The following VTI1B variants were observed in gnomAD, a reference collection of about 807,000 sequenced individuals.
VTI1B encodes vesicle transport through interaction with t-SNAREs 1B, also known as vesicle transport through interaction with t-SNAREs homolog 1B.
VTI1B carries 18 observed loss-of-function variants against 28.6 expected under a neutral mutation model. The observed-to-expected ratio is 0.63, with a 90% CI of 0.43 to 0.93. VTI1B has a LOEUF of 0.93. VTI1B is among the 40% of genes least tolerant of loss of function. The pLI is 0.00. For synonymous variants in VTI1B, 100 were observed against 107.9 expected, an observed-to-expected ratio of 0.93 and a Z score of 0.46; for missense variants, 283 against 297.0, an observed-to-expected ratio of 0.95 and a Z score of 0.35.
chr14:67,649,030 G>C lies in VTI1B; in HGVS notation c.*2355C>G, dbSNP rs140464466. 6.6e-6 allele frequency: 1 copy of C among 152,180 alleles called. No individual in the cohort carries two copies. The highest frequency in any genetic ancestry group is 2.1e-4 in the South Asian group (1 of 4,832). The allele number at this position is 152,180 out of a possible 1,614,324, so 9.4% of individuals were successfully genotyped here. ...AACCTTAGGCAGTACAAAAAGGCAGGCAGTACTGGTCTAATTCTCAGATCT... is the reference window on the plus strand; with the variant it reads ...AACCTTAGGCAGTACAAAAAGGCAGCCAGTACTGGTCTAATTCTCAGATCT... On this transcript the variant is annotated 3_prime_UTR_variant, in exon 6 of 6. Coordinates refer to ENST00000554659, the MANE Select transcript of VTI1B (RefSeq NM_006370.3).
At chr14:67,674,255 G>A in intron 1 of VTI1B, 120 bp downstream of exon 1, 1 of 897,654 alleles carries the variant, frequency 1.1e-6, no homozygotes, top group Admixed American at 3.1e-5. Context: ...GCCCTAGGGG[G>A]CGTGTCTGAG....
intron 3 of VTI1B, among the ~76,000 whole-genome samples, 168 bp from the exon 4 acceptor site, chr14:67,656,757 A>G (rs2037263557): frequency 6.6e-6 from 1 of 152,214 alleles, no homozygotes; most frequent in Non-Finnish European, 1.5e-5. Flanking sequence ...GTCACAGACT[A>G]AAGCAGGACC....
At chr14:67,662,256 A>G (rs1470519449) in intron 2 of VTI1B, among the ~76,000 whole-genome samples, 2 of 152,124 alleles carry the variant, frequency 1.3e-5, no homozygotes, top group African/African-American at 4.8e-5. Context: ...CATCAGCAAT[A>G]TATTACCAAA....
chr14:67,673,113 A>C (rs146928927), intron 1 of VTI1B, among the ~76,000 whole-genome samples: 19 of 152,278 alleles, frequency 1.2e-4, no homozygotes, highest in Non-Finnish European at 2.5e-4. Context: ...AGTCCCAAAG[A>C]AGGCGGATCA....
chr14:67,650,408 C>G lies in VTI1B; in HGVS notation c.*977G>C, dbSNP rs1233812906. The G allele has an allele frequency of 5.8e-6, 2 of 343,472 alleles. No individual in the cohort carries two copies. Among genetic ancestry groups the G allele is most frequent in the African/African-American group, 2.1e-5 (1 of 47,698 alleles). 21.3% of individuals were successfully genotyped at this position (343,472 alleles called of 1,614,324 possible). ...CAACAAGCAGGATGAAAACCTCCCCCACCCAACACCAAGCCTTTTCCTTTT... is the reference window on the plus strand; with the variant it reads ...CAACAAGCAGGATGAAAACCTCCCCGACCCAACACCAAGCCTTTTCCTTTT... On this transcript the variant is annotated 3_prime_UTR_variant, in exon 6 of 6. Transcript: ENST00000554659.
At chr14:67,667,011 T>C (rs1462704377) in intron 1 of VTI1B, among the ~76,000 whole-genome samples, 2 of 152,080 alleles carry the variant, frequency 1.3e-5, no homozygotes, top group Admixed American at 6.6e-5. Context: ...ATGGGCACCA[T>C]GAACAAGAAT....
chr14:67,663,143 T>TCC, intron 1 of VTI1B: 1 of 1,531,294 alleles, frequency 6.5e-7, no homozygotes, highest in South Asian at 1.2e-5. Flanking sequence ...TCCCATTCTG[T>TCC]CCCTTTGGTT....
intron 1 of VTI1B, among the ~76,000 whole-genome samples, chr14:67,672,722 T>C (rs1243522578): frequency 6.6e-6 from 1 of 152,144 alleles, no homozygotes; most frequent in Non-Finnish European, 1.5e-5. Context: ...GAATTACAGG[T>C]GTGAGCCACC....
intron 5 of VTI1B, 78 bp from the exon 6 acceptor site, chr14:67,651,559 G>A: frequency 6.7e-7 from 1 of 1,502,716 alleles, no homozygotes; most frequent in Non-Finnish European, 9.0e-7. Flanking sequence ...TTAGACCTGG[G>A]ACCACGGCTG....
chr14:67,673,230 A>G (rs1341906158), intron 1 of VTI1B, among the ~76,000 whole-genome samples: 2 of 152,122 alleles, frequency 1.3e-5, no homozygotes, highest in Non-Finnish European at 2.9e-5. Context: ...TGTAATCCCT[A>G]TTACTCCAGA....
intron 3 of VTI1B, among the ~76,000 whole-genome samples, chr14:67,657,560 G>C (rs891186354): frequency 2.0e-5 from 3 of 151,834 alleles, no homozygotes; most frequent in African/African-American, 7.3e-5. Flanking sequence ...AACGGAGGCA[G>C]CTCCAAGTTC....
Position 67,659,787 on chromosome 14 carries a change from G to C in VTI1B, c.310C>G (p.Pro104Ala), listed in dbSNP as rs754978321. Residue 104 changes from proline (P) to alanine (A), a missense_variant, in exon 3 of 6, where the codon CCT becomes GCT. Coordinates refer to ENST00000554659, the MANE Select transcript of VTI1B (RefSeq NM_006370.3). ...EVRSTPLTAT[P>A]GGRGDMKYGI... ...TATTTCATGTCTCCTCGGCCTCCAGGTGTGGCTGTCAAAGGTGTGCTTCTC... is the reference window on the plus strand; with the variant it reads ...TATTTCATGTCTCCTCGGCCTCCAGCTGTGGCTGTCAAAGGTGTGCTTCTC... The C allele has an allele frequency of 1.2e-5, 20 of 1,613,876 alleles. No homozygotes were observed. Among genetic ancestry groups the C allele is most frequent in the Admixed American group, 3.3e-5 (2 of 59,988 alleles).
At chr14:67,664,181 T>C (rs1340594175) in intron 1 of VTI1B, among the ~76,000 whole-genome samples, 1 of 152,184 alleles carries the variant, frequency 6.6e-6, no homozygotes, top group East Asian at 1.9e-4. Flanking sequence ...TTTGTGAGGG[T>C]ATAGCTTAGT....
At position 67,647,820 on chromosome 14, in the gene VTI1B, A is replaced by C; in HGVS notation, c.*3565T>G. On this transcript the variant is annotated 3_prime_UTR_variant, in exon 6 of 6. Coordinates refer to ENST00000554659, the MANE Select transcript of VTI1B (RefSeq NM_006370.3). ...ACATTGGAGTTAGTCTGTCTGAGGT[A>C]TGCAGAACAAATGGCAGTATCATGA... is the stretch of plus-strand genomic sequence containing the variant. The C allele has an allele frequency of 1.8e-6, 1 of 542,938 alleles. No individual in the cohort carries two copies. Among genetic ancestry groups the C allele is most frequent in the Non-Finnish European group, 3.3e-6 (1 of 305,002 alleles). The allele number at this position is 542,938 out of a possible 1,614,324, so 33.6% of individuals were successfully genotyped here.
intron 4 of VTI1B, among the ~76,000 whole-genome samples, chr14:67,653,907 T>A (rs1466344260): frequency 1.3e-5 from 2 of 152,236 alleles, no homozygotes; most frequent in African/African-American, 2.4e-5. Flanking sequence ...GGTCTGTTAC[T>A]GCTTTTGGGA....
At position 67,674,555 on chromosome 14, in the gene VTI1B, G is replaced by A. The variant is rs2234509; in HGVS notation, c.-66C>T. 6 of 1,422,240 alleles carry A rather than the reference G, an allele frequency of 4.2e-6. No individual in the cohort carries two copies. Among genetic ancestry groups the A allele is most frequent in the East Asian group, 5.2e-5 (2 of 38,732 alleles). The allele number at this position is 1,422,240 out of a possible 1,614,324, so 88.1% of individuals were successfully genotyped here. ...GCCCTGGGCCCTTTCCTAGCCCGGCGGTCAGCCGCCCAGCCCAGTGGCCAT... is the reference window on the plus strand; with the variant it reads ...GCCCTGGGCCCTTTCCTAGCCCGGCAGTCAGCCGCCCAGCCCAGTGGCCAT... On this transcript the variant is annotated 5_prime_UTR_variant, in exon 1 of 6. Transcript: ENST00000554659.
intron 1 of VTI1B, chr14:67,663,317 A>C: frequency 3.2e-6 from 2 of 628,294 alleles, no homozygotes; most frequent in Non-Finnish European, 5.3e-6. Context: ...AGCAAGTTTC[A>C]TTTTTAAATA....
At chr14:67,655,507 A>G (rs2037244259) in intron 4 of VTI1B, among the ~76,000 whole-genome samples, 1 of 151,862 alleles carries the variant, frequency 6.6e-6, no homozygotes, top group South Asian at 2.1e-4. Flanking sequence ...GATAATCCTT[A>G]GACATTTTTT....
intron 3 of VTI1B, among the ~76,000 whole-genome samples, chr14:67,656,923 A>G (rs2037265810): frequency 6.6e-6 from 1 of 152,190 alleles, no homozygotes; most frequent in Non-Finnish European, 1.5e-5. Flanking sequence ...CAACTTCTGA[A>G]AGGTGGCAGC....
Sources: gnomAD v4.1 joint callset for allele counts (sites outside exome capture counted in the v4.1 genomes callset) on GRCh38, gnomAD v4.1.1 for gene constraint, MANE v1.5 for transcripts, NCBI Gene and HGNC (gene_info 2026-07-23, HGNC 2026-07-21) for gene names.